Variants in LTBP3 observed in about 807,000 individuals in gnomAD.
The protein encoded by LTBP3 is latent-transforming growth factor beta-binding protein 3.
In LTBP3, 97 loss-of-function variants were observed where a neutral mutation model predicts 159.7. The observed-to-expected ratio is 0.61, with a 90% CI of 0.52 to 0.72. LTBP3 has a LOEUF of 0.72. Among genes scored for constraint, LTBP3 ranks in the 30% least tolerant of loss-of-function variants. The pLI is 0.00. For missense variants in LTBP3, 1,584 were observed against 1,864.3 expected, an observed-to-expected ratio of 0.85 and a Z score of 2.77; for synonymous variants, 824 against 777.1, an observed-to-expected ratio of 1.06 and a Z score of -1.00.
rs1252762005 is a variant in LTBP3, at chr11:65,547,498, T to C, written c.2048A>G (p.Tyr683Cys). The C allele has an allele frequency of 1.2e-6, 2 of 1,614,038 alleles. No homozygotes were observed. Among genetic ancestry groups the C allele is most frequent in the South Asian group, 1.1e-5 (1 of 91,082 alleles). ...GGFCINFPGH[Y>C]KCNCYPGYRL... ...GTAGCCGGGGTAGCAGTTGCACTTG[T>C]AGTGACCGGGAAAGTTGATGCAGAA... The change falls in exon 14 of 28, where the codon TAC (tyrosine) becomes TGC (cysteine). Residue 683 changes from tyrosine (Y) to cysteine (C), a missense_variant. This residue lies in a region of LTBP3 where 565 missense variants were observed against 677.7 expected (regional missense o/e 0.83). Coordinates refer to ENST00000301873, the MANE Select transcript of LTBP3 (RefSeq NM_001130144.3). The surrounding 1 kb of genome is among the most constrained non-coding windows in gnomAD (Gnocchi z 4.6).
chr11:65,541,765 C>T, intron 18 of LTBP3, 37 bp from the exon 19 acceptor site: 2 of 1,612,704 alleles, frequency 1.2e-6, no homozygotes, highest in Non-Finnish European at 8.5e-7. Flanking sequence ...AAACCCAGCC[C>T]CTCTTTCCCT....
chr11:65,554,077 A>G lies in LTBP3; in HGVS notation c.635T>C (p.Leu212Pro). The G allele has an allele frequency of 6.2e-7, 1 of 1,605,894 alleles. No individual in the cohort carries two copies. The highest frequency in any genetic ancestry group is 8.5e-7 in the Non-Finnish European group (1 of 1,179,348). Residue 212 changes from leucine to proline, a missense_variant, in exon 2 of 28, where the codon CTA (leucine) becomes CCA (proline). Physicochemically the swap from Leu to Pro is moderately conservative, Grantham distance 98. Coordinates refer to ENST00000301873, the MANE Select transcript of LTBP3 (RefSeq NM_001130144.3). The surrounding 1 kb of genome is among the most constrained non-coding windows in gnomAD (Gnocchi z 5.3). Reference sequence around the variant, plus strand: ...TTCTGCTGAGATCTGTCCCGGGCCTAGGGGCACCAGGAAGGCTGCGTGCTG... The same window carrying G: ...TTCTGCTGAGATCTGTCCCGGGCCTGGGGGCACCAGGAAGGCTGCGTGCTG... ...PAQHAAFLVP[L>P]GPGQISAEVQ...
Position 65,538,879 on chromosome 11 carries a change from GCGCCCGCCGGAGACCTTACAAC to G in LTBP3, c.*179_*200del. ...ACACCCTCTGGGAGGAAGGCAGGCA[GCGCCCGCCGGAGACCTTACAAC>G]CGCCCGCTAACCGGGGAGGGGGGCC... On this transcript the variant is annotated 3_prime_UTR_variant, in exon 28 of 28. Transcript: ENST00000301873. 6.0e-6 allele frequency: 6 copies of G among 1,000,220 alleles called. No individual in the cohort carries two copies. The highest frequency in any genetic ancestry group is 8.1e-6 in the Non-Finnish European group (6 of 741,042). 62.0% of individuals were successfully genotyped at this position (1,000,220 alleles called of 1,614,324 possible).
intron 1 of LTBP3, among the ~76,000 whole-genome samples, chr11:65,556,931 T>G (rs1590790451): frequency 2.4e-5 from 3 of 123,316 alleles, no homozygotes; most frequent in African/African-American, 6.4e-5. Context: ...GGGGAGGGGG[T>G]GGACTCCAAG....
Position 65,543,561 on chromosome 11 carries a change from A to AG in LTBP3, c.2354-13dup. Reference sequence around the variant, plus strand: ...ACACTCGTCCACATCTGCAGGGCATAGGGGGTGTCAGAGGACCAGGCTGGG... The same window carrying AG: ...ACACTCGTCCACATCTGCAGGGCATAGGGGGGTGTCAGAGGACCAGGCTGGG... On this transcript the variant is annotated splice_polypyrimidine_tract_variant and intron_variant, in intron 16 of 27. Coordinates refer to ENST00000301873, the MANE Select transcript of LTBP3 (RefSeq NM_001130144.3). 1 of 1,613,922 alleles carries AG rather than the reference A, an allele frequency of 6.2e-7. No individual in the cohort carries two copies. The highest frequency in any genetic ancestry group is 8.5e-7 in the Non-Finnish European group (1 of 1,179,888).
chr11:65,541,742 G>A lies in LTBP3; in HGVS notation c.2597-14C>T. ...ACTCATCTATGTCTGCGGGGCAAGAGTAGCGCAGCTGGAAACCCAGCCCCT... is the reference window on the plus strand; with the variant it reads ...ACTCATCTATGTCTGCGGGGCAAGAATAGCGCAGCTGGAAACCCAGCCCCT... On this transcript the variant is annotated splice_polypyrimidine_tract_variant and intron_variant, in intron 18 of 27. Coordinates refer to ENST00000301873, the MANE Select transcript of LTBP3 (RefSeq NM_001130144.3). 1 of 1,613,874 alleles carries A rather than the reference G, an allele frequency of 6.2e-7. No individual in the cohort carries two copies. Among genetic ancestry groups the A allele is most frequent in the Non-Finnish European group, 8.5e-7 (1 of 1,179,922 alleles).
At chr11:65,551,787 A>C in intron 8 of LTBP3, 185 bp downstream of exon 8, 1 of 914,494 alleles carries the variant, frequency 1.1e-6, no homozygotes, top group Non-Finnish European at 1.8e-6. Context: ...TAGAAGGCTT[A>C]GGAGGTTATA....
In LTBP3 at chr11:65,539,105, G is replaced by A. The variant is rs1395508528; in HGVS notation, c.3887C>T (p.Ala1296Val). 2 of 1,461,624 alleles carry A rather than the reference G, an allele frequency of 1.4e-6. No homozygotes were observed. Among genetic ancestry groups the A allele is most frequent in the East Asian group, 2.9e-5 (1 of 34,336 alleles). 90.5% of individuals were successfully genotyped at this position (1,461,624 alleles called of 1,614,324 possible). A position where few individuals can be genotyped will look rare whatever the true frequency, so the allele number is the denominator to read the frequency against. The change falls in exon 28 of 28, where the codon GCC becomes GTC. Residue 1296 changes from alanine (A) to valine (V), a missense_variant. Ala to Val is a moderately conservative substitution (Grantham distance 64). Transcript: ENST00000301873. ...TCAGCGGCGGCGCTGGGGAACGCAGGCCCCGTGCGGGCGGCTGCGCGCGAA... is the reference window on the plus strand; with the variant it reads ...TCAGCGGCGGCGCTGGGGAACGCAGACCCCGTGCGGGCGGCTGCGCGCGAA... ...AGFARSRPHG[A>V]CVPQRRR
At position 65,547,334 on chromosome 11, in the gene LTBP3, A is replaced by G; in HGVS notation, c.2107+105T>C. 2 of 1,334,890 alleles carry G rather than the reference A, an allele frequency of 1.5e-6. No individual in the cohort carries two copies. Among genetic ancestry groups the G allele is most frequent in the Non-Finnish European group, 1.0e-6 (1 of 973,634 alleles). 82.7% of individuals were successfully genotyped at this position (1,334,890 alleles called of 1,614,324 possible). On this transcript the variant is annotated intron_variant, in intron 14 of 27. Transcript: ENST00000301873. This position sits in a 1 kb window ranked among gnomAD's most constrained non-coding sequence, Gnocchi z 4.6. ...ACTCCAGCCTGGGCGACAGAGTGAG[A>G]CTCCGTCTCGGGGGAAAAAAAAAAA...
At position 65,554,028 on chromosome 11, in the gene LTBP3, C is replaced by T. The variant is rs1201315697; in HGVS notation, c.661+23G>A. ...AGTGCCCACCCACTGGCGACCTTCC[C>T]GGGTTTGCCAGTTGCCTGGTACCTT... On this transcript the variant is annotated intron_variant, in intron 2 of 27. Transcript: ENST00000301873. This position sits in a 1 kb window ranked among gnomAD's most constrained non-coding sequence, Gnocchi z 5.3. The T allele has an allele frequency of 1.3e-6, 2 of 1,599,024 alleles. No individual in the cohort carries two copies. The highest frequency in any genetic ancestry group is 8.5e-7 in the Non-Finnish European group (1 of 1,178,944).
rs1275022904 is a variant in LTBP3, at chr11:65,547,653, T to C, written c.1978+37A>G. ...ACACGGCGGTCTGGAGGAGAGCCCG[T>C]CCCACCCAGGGCCGCCTCCGCCCTG... On this transcript the variant is annotated intron_variant, in intron 13 of 27. Coordinates refer to ENST00000301873, the MANE Select transcript of LTBP3 (RefSeq NM_001130144.3). This position sits in a 1 kb window ranked among gnomAD's most constrained non-coding sequence, Gnocchi z 4.6. 6.2e-7 allele frequency: 1 copy of C among 1,606,934 alleles called. No individual in the cohort carries two copies. The highest frequency in any genetic ancestry group is 1.1e-5 in the South Asian group (1 of 90,912).
chr11:65,544,196 G>T (rs1414731771), intron 16 of LTBP3: 2 of 161,736 alleles, frequency 1.2e-5, no homozygotes, highest in Non-Finnish European at 2.7e-5. Flanking sequence ...CACTCTCAGG[G>T]TCCCAAGGGG....
chr11:65,552,411 AG>A lies in LTBP3; in HGVS notation c.1187-6del. 6.2e-7 allele frequency: 1 copy of A among 1,612,590 alleles called. No homozygotes were observed. Among genetic ancestry groups the A allele is most frequent in the South Asian group, 1.1e-5 (1 of 91,078 alleles). ...TCTTCTCCTCCGGTTTGTCTGCTGC[AG>A]GGGCCAGTGGGGGGCATGGGCATCT... is the stretch of plus-strand genomic sequence containing the variant. On this transcript the variant is annotated splice_polypyrimidine_tract_variant and splice_region_variant and intron_variant, in intron 6 of 27. Coordinates refer to ENST00000301873, the MANE Select transcript of LTBP3 (RefSeq NM_001130144.3). This position sits in a 1 kb window ranked among gnomAD's most constrained non-coding sequence, Gnocchi z 6.0.
rs1212796163 is a variant in LTBP3 at position 65,546,530 on chromosome 11, C to G, written c.2265G>C (p.Ser755=). Residue 755 remains serine (S), a synonymous_variant, in exon 16 of 28, where the codon TCG becomes TCC. Transcript: ENST00000301873. The surrounding 1 kb of genome is among the most constrained non-coding windows in gnomAD (Gnocchi z 4.0). ...VNECAEGSPC[S]PGWCENLPGS... is the part of the protein sequence containing the mutation. The stretch of plus-strand genomic sequence containing the variant: ...CCGGGAGGTTCTCGCACCAGCCAGG[C>G]GAGCAGGGGCTGCCCTCGGCGCACT... 1 of 1,601,972 alleles carries G rather than the reference C, an allele frequency of 6.2e-7. No individual in the cohort carries two copies. The highest frequency in any genetic ancestry group is 8.5e-7 in the Non-Finnish European group (1 of 1,179,398).
At chr11:65,556,509 CAA>C (rs776170086) in intron 1 of LTBP3, among the ~76,000 whole-genome samples, 1 of 152,156 alleles carries the variant, frequency 6.6e-6, no homozygotes, top group Non-Finnish European at 1.5e-5. Flanking sequence ...GCCTGGGTAA[CAA>C]GAGCAAAACT....
Position 65,538,692 on chromosome 11 carries a change from A to G in LTBP3, c.*388T>C. On this transcript the variant is annotated 3_prime_UTR_variant, in exon 28 of 28. Coordinates refer to ENST00000301873, the MANE Select transcript of LTBP3 (RefSeq NM_001130144.3). Reference sequence around the variant, plus strand: ...GTGTACATAATCAGAGCCACAATAAATTCTATTTCACACCCCTTGTGCCGG... The same window carrying G: ...GTGTACATAATCAGAGCCACAATAAGTTCTATTTCACACCCCTTGTGCCGG... 8.1e-7 allele frequency: 1 copy of G among 1,241,882 alleles called. No individual in the cohort carries two copies. Among genetic ancestry groups the G allele is most frequent in the Non-Finnish European group, 1.1e-6 (1 of 916,836 alleles). The allele number at this position is 1,241,882 out of a possible 1,614,324, so 76.9% of individuals were successfully genotyped here.
intron 27 of LTBP3, 44 bp from the exon 28 acceptor site, chr11:65,539,275 C>G: frequency 6.6e-7 from 1 of 1,515,314 alleles, no homozygotes; most frequent in Non-Finnish European, 8.9e-7. Context: ...AGCCTCCAGG[C>G]GGCTCCTCAC....
At chr11:65,542,129 C>G in intron 18 of LTBP3, 1 of 293,808 alleles carries the variant, frequency 3.4e-6, no homozygotes, top group Non-Finnish European at 6.8e-6. Context: ...GCAATTACTG[C>G]TCTTTGGTCC....
chr11:65,539,408 C>T lies in LTBP3; in HGVS notation c.3680G>A (p.Arg1227His), dbSNP rs1855956308. Residue 1227 changes from arginine (R) to histidine (H), a missense_variant, in exon 27 of 28, where the codon CGC becomes CAC. This residue lies in a region of LTBP3 where 514 missense variants were observed against 530.3 expected (regional missense o/e 0.97). Transcript: ENST00000301873. ...DSDECRCVSG[R>H]CVPRPGGAVC... ...GGCGCCGCCCGGCCGCGGCACGCAG[C>T]GGCCACTCACGCAGCGACACTCGTC... 9.7e-6 allele frequency: 15 copies of T among 1,549,640 alleles called. No homozygotes were observed. Among genetic ancestry groups the T allele is most frequent in the Non-Finnish European group, 1.3e-5 (15 of 1,146,330 alleles).
Sources: gnomAD v4.1 joint callset for allele counts (sites outside exome capture counted in the v4.1 genomes callset) on GRCh38, gnomAD v4.1.1 for gene constraint, gnomAD v4.1.1 regional missense constraint, Gnocchi (gnomAD v3.1) non-coding constraint, MANE v1.5 for transcripts, NCBI Gene and HGNC (gene_info 2026-07-23, HGNC 2026-07-21) for gene names.